Variants in LY96 observed in about 807,000 individuals in gnomAD.
LY96 encodes the protein lymphocyte antigen 96.
In LY96, 18 loss-of-function variants were observed where a neutral mutation model predicts 18.9. The ratio of observed to expected loss-of-function variants is 0.95; its 90% CI spans 0.66 to 1.41. The LOEUF is 1.41. LY96 is among the 40% of genes most tolerant of loss of function. LY96 has a pLI of 0.00. For synonymous variants in LY96, 66 were observed against 62.6 expected (o/e 1.06, Z -0.26); for missense variants, 175 against 182.4 (o/e 0.96, Z 0.23).
the LY96 span, among the ~76,000 whole-genome samples, chr8:74,055,648 T>C: frequency 6.6e-6 from 1 of 152,106 alleles, no homozygotes; most frequent in African/African-American, 2.4e-5. Flanking sequence ...ATAATCAAGG[T>C]CATAGGTCTT....
chr8:74,014,639 C>T (rs191508193), intron 3 of LY96, among the ~76,000 whole-genome samples: 96 of 151,868 alleles, frequency 6.3e-4, no homozygotes, highest in Non-Finnish European at 5.3e-4. Flanking sequence ...GAAGCATTGA[C>T]GTATCAAGAG....
At chr8:74,039,174 C>A in the LY96 span, among the ~76,000 whole-genome samples, 1 of 152,134 alleles carries the variant, frequency 6.6e-6, no homozygotes. Flanking sequence ...TGTATGTCTT[C>A]TTTTGAGAAA....
the LY96 span, among the ~76,000 whole-genome samples, chr8:74,053,550 T>C: frequency 6.6e-6 from 1 of 152,338 alleles, no homozygotes; most frequent in Admixed American, 6.5e-5. Flanking sequence ...CTTCAGATAC[T>C]GAATCATCCA....
the LY96 span, among the ~76,000 whole-genome samples, chr8:74,066,237 C>T: frequency 1.3e-5 from 2 of 152,000 alleles, no homozygotes; most frequent in Non-Finnish European, 2.9e-5. Context: ...TAGAAGAGAC[C>T]AGCAGAATCC....
chr8:74,092,684 C>T, the LY96 span, among the ~76,000 whole-genome samples: 1 of 152,202 alleles, frequency 6.6e-6, no homozygotes, highest in African/African-American at 2.4e-5. Flanking sequence ...AAACTTTCAC[C>T]TCCTCTTGCT....
chr8:74,088,499 T>A, the LY96 span, among the ~76,000 whole-genome samples: 1 of 152,170 alleles, frequency 6.6e-6, no homozygotes, highest in South Asian at 2.1e-4. Context: ...TCCACCCTTC[T>A]GGGGCTCAGT....
At chr8:74,086,436 T>C in the LY96 span, among the ~76,000 whole-genome samples, 4 of 152,238 alleles carry the variant, frequency 2.6e-5, no homozygotes, top group African/African-American at 9.6e-5. Flanking sequence ...GAGGCCTGTC[T>C]CACTATCTCA....
chr8:74,031,204 C>T (rs991578381), downstream of LY96, among the ~76,000 whole-genome samples: 6 of 152,146 alleles, frequency 3.9e-5, no homozygotes, highest in African/African-American at 9.7e-5. Context: ...GTATGAAATC[C>T]GGAGTATATG....
chr8:74,019,807 C>G (rs1027718113), intron 3 of LY96, among the ~76,000 whole-genome samples: 4 of 152,062 alleles, frequency 2.6e-5, no homozygotes, highest in Non-Finnish European at 4.4e-5. Context: ...TAAACAAAAC[C>G]AAAGACAAAA....
the LY96 span, among the ~76,000 whole-genome samples, chr8:74,058,622 C>T: frequency 3.0e-3 from 458 of 151,428 alleles, 3 homozygotes; most frequent in African/African-American, 0.011. Flanking sequence ...TGGTTTCTAG[C>T]GATTCTCCTG....
intron 1 of LY96, among the ~76,000 whole-genome samples, chr8:73,993,732 C>T (rs926764932): frequency 1.1e-4 from 17 of 152,102 alleles, no homozygotes; most frequent in East Asian, 1.9e-4. Context: ...CGTGAGCCAC[C>T]GCAGCTGGCC....
the LY96 span, among the ~76,000 whole-genome samples, chr8:74,040,302 T>G: frequency 6.6e-6 from 1 of 152,264 alleles, no homozygotes; most frequent in Non-Finnish European, 1.5e-5. Context: ...AGTTTGTGCC[T>G]TCAGGCTCTT....
At chr8:74,043,413 C>G in the LY96 span, among the ~76,000 whole-genome samples, 1 of 152,228 alleles carries the variant, frequency 6.6e-6, no homozygotes, top group Middle Eastern at 3.4e-3. Context: ...AGGTAAGATG[C>G]GAGCTTAGAC....
At chr8:74,096,928 C>A in the LY96 span, among the ~76,000 whole-genome samples, 1 of 152,120 alleles carries the variant, frequency 6.6e-6, no homozygotes, top group Admixed American at 6.5e-5. Flanking sequence ...GGGGTAGTTT[C>A]TGGGAGAGAG....
chr8:74,003,099 T>C (rs1816332323), intron 1 of LY96, among the ~76,000 whole-genome samples: 1 of 152,182 alleles, frequency 6.6e-6, no homozygotes, highest in Non-Finnish European at 1.5e-5. Context: ...TCATTTTCCT[T>C]GTCTCTCTGT....
chr8:74,081,246 C>T, the LY96 span, among the ~76,000 whole-genome samples: 1 of 144,888 alleles, frequency 6.9e-6, no homozygotes, highest in African/African-American at 2.6e-5. Context: ...CTTTCCCTCT[C>T]TCCCTTTCTT....
chr8:74,096,834 C>A, the LY96 span, among the ~76,000 whole-genome samples: 1 of 152,150 alleles, frequency 6.6e-6, no homozygotes, highest in Non-Finnish European at 1.5e-5. Flanking sequence ...GATGTGAATA[C>A]TTCTCTCTCA....
the LY96 span, among the ~76,000 whole-genome samples, chr8:74,066,412 C>A: frequency 1.3e-5 from 2 of 151,890 alleles, no homozygotes; most frequent in African/African-American, 2.4e-5. Flanking sequence ...GCGCCCCAAG[C>A]AGAGGACTCA....
intron 1 of LY96, among the ~76,000 whole-genome samples, chr8:74,002,574 T>A (rs1174570796): frequency 4.8e-5 from 6 of 125,140 alleles, no homozygotes; most frequent in African/African-American, 2.0e-4. Context: ...TATTTATTTC[T>A]TTTTTTTTTT....
Sources: gnomAD v4.1 joint callset for allele counts (sites outside exome capture counted in the v4.1 genomes callset) on GRCh38, gnomAD v4.1.1 for gene constraint, MANE v1.5 for transcripts, NCBI Gene and HGNC (gene_info 2026-07-23, HGNC 2026-07-21) for gene names.